The following PPP2R2A variants were observed in gnomAD, a reference collection of about 807,000 sequenced individuals.
PPP2R2A encodes protein phosphatase 2 regulatory subunit Balpha, also known as serine/threonine-protein phosphatase 2A 55 kDa regulatory subunit B alpha isoform.
PPP2R2A carries 9 observed loss-of-function variants against 53.2 expected under a neutral mutation model. The ratio of observed to expected loss-of-function variants is 0.17; its 90% CI spans 0.10 to 0.30. PPP2R2A has a LOEUF of 0.30. PPP2R2A is among the 10% of genes least tolerant of loss of function. PPP2R2A has a pLI of 1.00. For synonymous variants in PPP2R2A, 169 were observed against 174.2 expected (o/e 0.97, Z 0.23); for missense variants, 235 against 534.6 (o/e 0.44, Z 5.53).
At position 26,360,049 on chromosome 8, in the gene PPP2R2A, TA is replaced by T. The variant is rs1023296674; in HGVS notation, c.347-119del. On this transcript the variant is annotated intron_variant, in intron 4 of 9. Coordinates refer to ENST00000380737, the MANE Select transcript of PPP2R2A (RefSeq NM_002717.4). This position sits in a 1 kb window ranked among gnomAD's most constrained non-coding sequence, Gnocchi z 4.5. ...AGGAAATTTTTTAGTAAGTTCAGAT[TA>T]GGGTTTTTTTTTTTTTCGTGGAATC... 7.5e-6 allele frequency: 4 copies of T among 530,974 alleles called. No individual in the cohort carries two copies. Among genetic ancestry groups the T allele is most frequent in the African/African-American group, 5.0e-5 (2 of 39,850 alleles). The allele number at this position is 530,974 out of a possible 1,614,324, so 32.9% of individuals were successfully genotyped here.
In PPP2R2A at chr8:26,361,032, C is replaced by T; in HGVS notation, c.518C>T (p.Ala173Val). 1.2e-6 allele frequency: 2 copies of T among 1,607,682 alleles called. No homozygotes were observed. Among genetic ancestry groups the T allele is most frequent in the Non-Finnish European group, 1.7e-6 (2 of 1,178,712 alleles). The change falls in exon 6 of 10, where the codon GCC becomes GTC. Residue 173 changes from alanine (A) to valine (V), a missense_variant. By Grantham distance (64) the Ala-to-Val change is moderately conservative. Transcript: ENST00000380737. The part of the protein sequence containing the change: ...MVEASPRRIF[A>V]NAHTYHINSI... ...GAGGCCAGTCCACGAAGAATATTTG[C>T]CAATGCTCATACATATCACATCAAC...
Position 26,370,441 on chromosome 8 carries a change from C to T in PPP2R2A, c.*28C>T, listed in dbSNP as rs554125616. ...TTGGCATTCCTAGCAGAAGAACCCA[C>T]TTCCTGCTTAGTTGAGATAGTTGAA... On this transcript the variant is annotated 3_prime_UTR_variant, in exon 10 of 10. Coordinates refer to ENST00000380737, the MANE Select transcript of PPP2R2A (RefSeq NM_002717.4). The surrounding 1 kb of genome is among the most constrained non-coding windows in gnomAD (Gnocchi z 6.1). 9 of 1,605,836 alleles carry T rather than the reference C, an allele frequency of 5.6e-6. No individual in the cohort carries two copies. Among genetic ancestry groups the T allele is most frequent in the Non-Finnish European group, 7.7e-6 (9 of 1,173,728 alleles).
chr8:26,328,025 C>T (rs1040635907), intron 2 of PPP2R2A, among the ~76,000 whole-genome samples: 38 of 152,200 alleles, frequency 2.5e-4, no homozygotes, highest in African/African-American at 9.2e-4. Flanking sequence ...ACTCCTCCCC[C>T]TCATCTGAAC....
rs747548631 is a variant in PPP2R2A, at chr8:26,360,302, T to C, written c.459+21T>C. 7.0e-7 allele frequency: 1 copy of C among 1,434,512 alleles called. No homozygotes were observed. The highest frequency in any genetic ancestry group is 9.7e-7 in the Non-Finnish European group (1 of 1,032,030). The allele number at this position is 1,434,512 out of a possible 1,614,324, so 88.9% of individuals were successfully genotyped here. On this transcript the variant is annotated intron_variant, in intron 5 of 9. Coordinates refer to ENST00000380737, the MANE Select transcript of PPP2R2A (RefSeq NM_002717.4). This position sits in a 1 kb window ranked among gnomAD's most constrained non-coding sequence, Gnocchi z 4.5. ...TACGAGTAAGTACATAAGAAAAAAA[T>C]GTCACAGATAGTGCTTGTATTCATA...
chr8:26,368,396 C>T (rs1193936674), intron 9 of PPP2R2A, among the ~76,000 whole-genome samples: 1 of 152,132 alleles, frequency 6.6e-6, no homozygotes, highest in African/African-American at 2.4e-5. Context: ...AGACCCTTTC[C>T]AAATTAAGAG....
chr8:26,361,841 A>G (rs1292450092), intron 6 of PPP2R2A, among the ~76,000 whole-genome samples: 3 of 151,792 alleles, frequency 2.0e-5, no homozygotes, highest in Non-Finnish European at 4.4e-5. Context: ...CATGCCTGTA[A>G]TCTAAGCTAC....
intron 2 of PPP2R2A, among the ~76,000 whole-genome samples, chr8:26,325,395 A>G (rs1025669101): frequency 6.6e-6 from 1 of 152,080 alleles, no homozygotes; most frequent in Non-Finnish European, 1.5e-5. Context: ...ACCTCCCGTC[A>G]TGATTCTGAG....
chr8:26,293,908 T>G (rs1241316435), intron 2 of PPP2R2A, 168 bp downstream of exon 2: 2 of 631,996 alleles, frequency 3.2e-6, no homozygotes, highest in Middle Eastern at 4.1e-4. Flanking sequence ...GCCTTAAATT[T>G]CATTTGTTAT....
intron 2 of PPP2R2A, among the ~76,000 whole-genome samples, chr8:26,325,502 C>G (rs368732037): frequency 6.6e-6 from 1 of 152,116 alleles, no homozygotes; most frequent in African/African-American, 2.4e-5. Context: ...CGGACTAATA[C>G]AGTTGTATTC....
rs57711660 is a variant in PPP2R2A at position 26,363,210 on chromosome 8, TAA to T, written c.802+380_802+381del. On this transcript the variant is annotated intron_variant, in intron 7 of 9. Coordinates refer to ENST00000380737, the MANE Select transcript of PPP2R2A (RefSeq NM_002717.4). ...GATTTCTTCTGAGGTTTCCTTGGCT[TAA>T]AAAAAAAAAAAAAAAAACAACTTTG... is the stretch of plus-strand genomic sequence containing the variant. 375 of 126,594 alleles carry T rather than the reference TAA, an allele frequency of 3.0e-3. 1 individual carries two copies. Among genetic ancestry groups the T allele is most frequent in the Middle Eastern group, 8.5e-3 (2 of 234 alleles). The allele number at this position is 126,594 out of a possible 1,614,324, so 7.8% of individuals were successfully genotyped here.
chr8:26,303,535 T>C (rs1035837769), intron 2 of PPP2R2A, among the ~76,000 whole-genome samples: 1 of 152,190 alleles, frequency 6.6e-6, no homozygotes, highest in Non-Finnish European at 1.5e-5. Context: ...CCAACTTAAC[T>C]ACTGAAGGGA....
At chr8:26,299,622 A>G (rs1801691419) in intron 2 of PPP2R2A, among the ~76,000 whole-genome samples, 2 of 152,202 alleles carry the variant, frequency 1.3e-5, no homozygotes, top group Non-Finnish European at 2.9e-5. Context: ...AAAACAGTCC[A>G]TATTATGATA....
At chr8:26,305,458 T>G (rs1173237611) in intron 2 of PPP2R2A, among the ~76,000 whole-genome samples, 2 of 152,122 alleles carry the variant, frequency 1.3e-5, no homozygotes, top group African/African-American at 4.8e-5. Context: ...GTTTAAAGGA[T>G]TTAGAGATTG....
At chr8:26,302,535 C>T (rs1054208769) in intron 2 of PPP2R2A, among the ~76,000 whole-genome samples, 11 of 152,130 alleles carry the variant, frequency 7.2e-5, no homozygotes, top group African/African-American at 2.4e-4. Context: ...GACAGACTAC[C>T]GATATGTTTT....
rs180964025 is a variant in PPP2R2A at position 26,370,429 on chromosome 8, C to T, written c.*16C>T. On this transcript the variant is annotated 3_prime_UTR_variant, in exon 10 of 10. Transcript: ENST00000380737. This position sits in a 1 kb window ranked among gnomAD's most constrained non-coding sequence, Gnocchi z 6.1. The stretch of plus-strand genomic sequence containing the variant: ...AGTGAATTAGGGTTGGCATTCCTAG[C>T]AGAAGAACCCACTTCCTGCTTAGTT... 4.4e-5 allele frequency: 71 copies of T among 1,609,972 alleles called. No individual in the cohort carries two copies. The Admixed American group carries it at 1.1e-3, about 24-fold the overall frequency.
intron 2 of PPP2R2A, among the ~76,000 whole-genome samples, chr8:26,323,483 C>T (rs1176335280): frequency 6.6e-6 from 1 of 152,284 alleles, no homozygotes; most frequent in East Asian, 1.9e-4. Flanking sequence ...AGTTGGAAGC[C>T]CCAGGTTGTT....
chr8:26,346,406 G>T (rs1804218892), intron 3 of PPP2R2A, among the ~76,000 whole-genome samples: 1 of 152,130 alleles, frequency 6.6e-6, no homozygotes, highest in South Asian at 2.1e-4. Flanking sequence ...CTCCCAAAGT[G>T]CTGGGATTAT....
chr8:26,304,978 T>C (rs1320050361), intron 2 of PPP2R2A, among the ~76,000 whole-genome samples: 2 of 152,220 alleles, frequency 1.3e-5, no homozygotes, highest in African/African-American at 4.8e-5. Context: ...TCAAATACAC[T>C]GTTCAGTAGT....
intron 2 of PPP2R2A, among the ~76,000 whole-genome samples, chr8:26,308,934 C>T (rs1802149640): frequency 6.6e-6 from 1 of 152,046 alleles, no homozygotes; most frequent in Admixed American, 6.6e-5. Flanking sequence ...GATCATGGCT[C>T]ACTGCAGCCT....
Sources: allele counts gnomAD v4.1 joint callset (sites outside exome capture counted in the v4.1 genomes callset), GRCh38; gene constraint gnomAD v4.1.1; non-coding constraint Gnocchi (gnomAD v3.1); transcripts MANE v1.5; gene names NCBI Gene and HGNC (gene_info 2026-07-23, HGNC 2026-07-21).